Variants in NOP53 observed in about 807,000 individuals in gnomAD.
The protein encoded by NOP53 is NOP53 ribosome biogenesis factor.
A neutral mutation model predicts 61.0 loss-of-function variants in NOP53; 40 were observed. The observed-to-expected ratio is 0.66, with a 90% CI of 0.51 to 0.85. The LOEUF (loss-of-function observed/expected upper bound fraction) is 0.85. NOP53 is among the 40% of genes least tolerant of loss of function. The pLI, the probability that NOP53 is intolerant of heterozygous loss-of-function variation, is 0.00. For missense variants in NOP53, 689 were observed against 652.9 expected (o/e 1.06, Z -0.60); for synonymous variants, 308 against 289.5 (o/e 1.06, Z -0.65).
intron 1 of NOP53, chr19:47,746,031 T>G (rs8101879): frequency 0.073 from 36,587 of 499,904 alleles, 8,252 homozygotes; most frequent in African/African-American, 0.55. Context: ...GGATTTTAGG[T>G]AAACAATGAA....
chr19:47,748,647 G>A (rs987561299), intron 2 of NOP53, among the ~76,000 whole-genome samples: 1 of 152,048 alleles, frequency 6.6e-6, no homozygotes, highest in Admixed American at 6.6e-5. Context: ...TAAGCCCAGC[G>A]CTTTGGGAGG....
At chr19:47,745,998 A>G (rs1028004941) in intron 1 of NOP53, 8 of 508,032 alleles carry the variant, frequency 1.6e-5, no homozygotes, top group African/African-American at 1.2e-4. Context: ...GCAGATAAAT[A>G]TACAGGACGC....
rs552652998 is a variant in NOP53 at position 47,747,156 on chromosome 19, T to G, written c.289+125T>G. The G allele has an allele frequency of 2.3e-5, 17 of 745,766 alleles. No homozygotes were observed. The African/African-American group carries it at 2.3e-4, about 10-fold the overall frequency. The allele number at this position is 745,766 out of a possible 1,614,324, so 46.2% of individuals were successfully genotyped here. Reference sequence around the variant, plus strand: ...AATATCTGCGGAAACAGGTCAACCTTAATATAAACAAGGGGACCTCAAATG... The same window carrying G: ...AATATCTGCGGAAACAGGTCAACCTGAATATAAACAAGGGGACCTCAAATG... On this transcript the variant is annotated intron_variant, in intron 2 of 12. Coordinates refer to ENST00000246802, the MANE Select transcript of NOP53 (RefSeq NM_015710.5).
rs1967126602 is a variant in NOP53 at position 47,751,669 on chromosome 19, G to A, written c.669+79G>A. 3.6e-6 allele frequency: 4 copies of A among 1,101,652 alleles called. No homozygotes were observed. In the South Asian group the frequency reaches 3.8e-5, roughly 10 times the overall value. The allele number at this position is 1,101,652 out of a possible 1,614,324, so 68.2% of individuals were successfully genotyped here. A position where few individuals can be genotyped will look rare whatever the true frequency, so the allele number is the denominator to read the frequency against. ...AGCTGCTCTGTGTTCCTGCAGTAGA[G>A]TCTGTCTCAGAGCCCTTCCATCCCA... On this transcript the variant is annotated intron_variant, in intron 5 of 12. Transcript: ENST00000246802.
intron 1 of NOP53, chr19:47,746,253 A>T (rs1315794659): frequency 6.5e-6 from 1 of 153,486 alleles, no homozygotes; most frequent in Non-Finnish European, 1.5e-5. Context: ...GCGCGATCTC[A>T]GCTCACCGCA....
At chr19:47,747,054 T>C (rs370747850) in intron 2 of NOP53, 23 bp downstream of exon 2, 2 of 1,591,322 alleles carry the variant, frequency 1.3e-6, no homozygotes, top group Non-Finnish European at 1.7e-6. Flanking sequence ...TTTTGTGGTG[T>C]GGAATGGCGG....
Position 47,750,197 on chromosome 19 carries a change from C to T in NOP53, c.309C>T (p.Thr103=). 6.2e-7 allele frequency: 1 copy of T among 1,611,196 alleles called. No homozygotes were observed. Among genetic ancestry groups the T allele is most frequent in the Non-Finnish European group, 8.5e-7 (1 of 1,177,474 alleles). Residue 103 remains threonine, a synonymous_variant, in exon 3 of 13, where the codon ACC becomes ACT. Coordinates refer to ENST00000246802, the MANE Select transcript of NOP53 (RefSeq NM_015710.5). ...SKEKGLTKKR[T]KVQKKSLLLK... ...TCTTAGGGCTGACAAAGAAGAGAAC[C>T]AAAGTCCAGAAGAAGTCACTGCTTC...
At chr19:47,747,157 AATATAAACAAGG>A in intron 2 of NOP53, 126 bp downstream of exon 2, 1 of 706,632 alleles carries the variant, frequency 1.4e-6, no homozygotes, top group Non-Finnish European at 2.4e-6. Context: ...GGTCAACCTT[AATATAAACAAGG>A]GGACCTCAAA....
intron 10 of NOP53, chr19:47,756,167 A>G: frequency 2.0e-6 from 1 of 506,726 alleles, no homozygotes; most frequent in East Asian, 3.3e-5. Context: ...GAGGAAGCCC[A>G]GCTCCTCTGT....
chr19:47,751,185 A>T (rs1967121099), intron 4 of NOP53, 78 bp downstream of exon 4: 6 of 1,308,916 alleles, frequency 4.6e-6, no homozygotes, highest in Non-Finnish European at 6.4e-6. Context: ...ACTGCACGAG[A>T]GTACAGTGTG....
At chr19:47,746,145 T>C (rs1280591527) in intron 1 of NOP53, 1 of 226,614 alleles carries the variant, frequency 4.4e-6, no homozygotes, top group Non-Finnish European at 8.8e-6. Flanking sequence ...TATGTGTATA[T>C]GTGTGTATAT....
intron 2 of NOP53, among the ~76,000 whole-genome samples, chr19:47,748,109 G>A (rs1236938486): frequency 6.6e-6 from 1 of 151,496 alleles, no homozygotes; most frequent in Non-Finnish European, 1.5e-5. Flanking sequence ...ATTTTTAGTA[G>A]AGATGGGTCT....
intron 2 of NOP53, among the ~76,000 whole-genome samples, chr19:47,747,723 C>T (rs541992865): frequency 2.8e-4 from 42 of 150,964 alleles, no homozygotes; most frequent in African/African-American, 9.7e-4. Flanking sequence ...TCCCAAGTAG[C>T]TGGGACTGCA....
In NOP53 at chr19:47,748,071, C is replaced by T. The variant is rs187630643; in HGVS notation, c.289+1040C>T. Among the ~76,000 whole-genome samples, 99 of 151,598 alleles carry T rather than the reference C, an allele frequency of 6.5e-4. 1 individual carries two copies. Among genetic ancestry groups the T allele is most frequent in the African/African-American group, 2.4e-3 (99 of 41,344 alleles). On this transcript the variant is annotated intron_variant, in intron 2 of 12. Coordinates refer to ENST00000246802, the MANE Select transcript of NOP53 (RefSeq NM_015710.5). ...CTGGGATTACAGGCATGAGCCACCA[C>T]GCCTGGTCAAGCCTGGCTAATTTCT... is the stretch of plus-strand genomic sequence containing the variant.
intron 1 of NOP53, chr19:47,745,989 C>A: frequency 1.9e-6 from 1 of 519,388 alleles, no homozygotes; most frequent in Non-Finnish European, 3.4e-6. Context: ...CCAGATTTAG[C>A]AGATAAATAT....
At chr19:47,752,464 C>A in intron 5 of NOP53, 48 bp from the exon 6 acceptor site, 2 of 1,194,386 alleles carry the variant, frequency 1.7e-6, no homozygotes, top group South Asian at 1.2e-5. Context: ...CTGGGTCACC[C>A]GCAGCCCCAA....
rs766310552 is a variant in NOP53 at position 47,756,987 on chromosome 19, C to G, written c.1431-12C>G. The G allele has an allele frequency of 6.2e-7, 1 of 1,614,112 alleles. No individual in the cohort carries two copies. The highest frequency in any genetic ancestry group is 8.5e-7 in the Non-Finnish European group (1 of 1,179,954). On this transcript the variant is annotated splice_polypyrimidine_tract_variant and intron_variant, in intron 12 of 12. Transcript: ENST00000246802. The stretch of plus-strand genomic sequence containing the variant: ...CTCTCACCCACCCTCAGCTCCTTTC[C>G]TCTGTCCCCAGGTTGTAGCTGCCAT...
chr19:47,750,090 T>C, intron 2 of NOP53, 88 bp from the exon 3 acceptor site: 1 of 806,772 alleles, frequency 1.2e-6, no homozygotes, highest in Middle Eastern at 2.6e-4. Flanking sequence ...GATTCAGGTC[T>C]GATGGCTCCC....
At chr19:47,748,307 G>A (rs1334117134) in intron 2 of NOP53, among the ~76,000 whole-genome samples, 3 of 152,048 alleles carry the variant, frequency 2.0e-5, no homozygotes, top group African/African-American at 7.2e-5. Flanking sequence ...TAAGTTGCTA[G>A]AATGTAGGGT....
Sources: gnomAD v4.1 joint callset for allele counts (sites outside exome capture counted in the v4.1 genomes callset) on GRCh38, gnomAD v4.1.1 for gene constraint, MANE v1.5 for transcripts, NCBI Gene and HGNC (gene_info 2026-07-23, HGNC 2026-07-21) for gene names.